Variants in EPHA3 observed in about 807,000 individuals in gnomAD.
The protein encoded by EPHA3 is ephrin type-A receptor 3.
Under a neutral mutation model 107.1 loss-of-function variants are expected in EPHA3, and 42 were observed. The observed-to-expected ratio is 0.39, with a 90% CI of 0.31 to 0.51. The LOEUF is 0.51. Ranked by LOEUF, EPHA3 falls within the 20% of genes least tolerant of loss-of-function variation. The pLI is 0.78. For missense variants in EPHA3, 1,183 were observed against 1,211.2 expected (o/e 0.98, Z 0.35); for synonymous variants, 461 against 424.8 (o/e 1.09, Z -1.05).
chr3:89,242,132 T>G (rs1704910555), intron 3 of EPHA3, among the ~76,000 whole-genome samples: 1 of 152,170 alleles, frequency 6.6e-6, no homozygotes, highest in Non-Finnish European at 1.5e-5. Flanking sequence ...CAACTCAAAA[T>G]CTAAAGAAGA....
chr3:89,478,588 A>G (rs1710564442), intron 16 of EPHA3, among the ~76,000 whole-genome samples: 2 of 152,302 alleles, frequency 1.3e-5, no homozygotes, highest in South Asian at 4.1e-4. Context: ...CCTGTGAAAT[A>G]GTATCAGGTA....
intron 3 of EPHA3, among the ~76,000 whole-genome samples, chr3:89,304,743 A>C (rs1706572013): frequency 6.6e-6 from 1 of 152,060 alleles, no homozygotes; most frequent in South Asian, 2.1e-4. Context: ...TATTATGTTC[A>C]TGATAGTTTG....
chr3:89,401,947 C>T (rs767844675), intron 7 of EPHA3, among the ~76,000 whole-genome samples: 8 of 152,028 alleles, frequency 5.3e-5, no homozygotes, highest in African/African-American at 9.6e-5. Flanking sequence ...AGGAGAGATC[C>T]GAAATCATAG....
At chr3:89,345,391 C>A (rs1413758258) in intron 5 of EPHA3, among the ~76,000 whole-genome samples, 2 of 151,240 alleles carry the variant, frequency 1.3e-5, no homozygotes, top group Non-Finnish European at 3.0e-5. Flanking sequence ...TGTACAATTT[C>A]TATCAAAAAA....
intron 3 of EPHA3, among the ~76,000 whole-genome samples, chr3:89,338,025 T>C (rs1430404567): frequency 6.6e-6 from 1 of 152,236 alleles, no homozygotes; most frequent in African/African-American, 2.4e-5. Flanking sequence ...TGGCTTCAAG[T>C]TGTATTTGTA....
At chr3:89,128,705 ATATAG>A (rs1704141496) in intron 2 of EPHA3, among the ~76,000 whole-genome samples, 1 of 149,810 alleles carries the variant, frequency 6.7e-6, no homozygotes, top group African/African-American at 2.4e-5. Flanking sequence ...ATACTCAATA[ATATAG>A]TATATATATT....
At chr3:89,193,529 G>A (rs1705767075) in intron 2 of EPHA3, among the ~76,000 whole-genome samples, 1 of 151,916 alleles carries the variant, frequency 6.6e-6, no homozygotes, top group Non-Finnish European at 1.5e-5. Context: ...CTGCAGGATA[G>A]CTACCGTTAA....
At chr3:89,205,811 T>C in intron 2 of EPHA3, among the ~76,000 whole-genome samples, 1 of 152,152 alleles carries the variant, frequency 6.6e-6, no homozygotes, top group East Asian at 1.9e-4. Flanking sequence ...CCCTTTTTTT[T>C]TTCATCTCTG....
At position 89,140,232 on chromosome 3, in the gene EPHA3, G is replaced by T. The variant is rs556000238; in HGVS notation, c.153+12959G>T. On this transcript the variant is annotated intron_variant, in intron 2 of 16. Coordinates refer to ENST00000336596, the MANE Select transcript of EPHA3 (RefSeq NM_005233.6). ...CATTGAAAGAGTATTTTCAAATGTT[G>T]CTATGTAACTAAAATAAATATCACA... is the stretch of plus-strand genomic sequence containing the variant. 5.9e-5 allele frequency among the ~76,000 whole-genome samples: 9 copies of T among 151,836 alleles called. No homozygotes were observed. In the South Asian group the frequency reaches 1.2e-3, roughly 21 times the overall value.
At chr3:89,223,019 A>G (rs1250048825) in intron 3 of EPHA3, among the ~76,000 whole-genome samples, 1 of 152,186 alleles carries the variant, frequency 6.6e-6, no homozygotes, top group Non-Finnish European at 1.5e-5. Context: ...CCTTTACAAA[A>G]TCTAAAAGCT....
At chr3:89,452,183 T>A (rs993499912) in intron 15 of EPHA3, among the ~76,000 whole-genome samples, 1 of 152,184 alleles carries the variant, frequency 6.6e-6, no homozygotes, top group African/African-American at 2.4e-5. Flanking sequence ...TATAGATATC[T>A]CTTTGAAATA....
chr3:89,113,410 C>A (rs1287710267), intron 1 of EPHA3, among the ~76,000 whole-genome samples: 2 of 133,176 alleles, frequency 1.5e-5, no homozygotes, highest in African/African-American at 2.8e-5. Flanking sequence ...GTTCTTGGAA[C>A]CTGGCAGGAG....
At chr3:89,404,191 G>A (rs1231369698) in intron 7 of EPHA3, among the ~76,000 whole-genome samples, 2 of 152,034 alleles carry the variant, frequency 1.3e-5, no homozygotes, top group African/African-American at 2.4e-5. Flanking sequence ...AAGGGAGAAT[G>A]GAATCATTAA....
intron 5 of EPHA3, 60 bp downstream of exon 5, chr3:89,342,150 C>A: frequency 6.9e-7 from 1 of 1,446,684 alleles, no homozygotes; most frequent in South Asian, 1.4e-5. Context: ...ATGGTTTTGA[C>A]TCTGGGTGGA....
At chr3:89,216,340 C>T (rs1704222828) in intron 3 of EPHA3, among the ~76,000 whole-genome samples, 1 of 151,950 alleles carries the variant, frequency 6.6e-6, no homozygotes, top group African/African-American at 2.4e-5. Context: ...TTGTAGACAA[C>T]TCACTAAATA....
chr3:89,113,648 T>G (rs1707175197), intron 1 of EPHA3, among the ~76,000 whole-genome samples: 1 of 151,852 alleles, frequency 6.6e-6, no homozygotes, highest in African/African-American at 2.4e-5. Flanking sequence ...ATCATTTGCT[T>G]AAAAGAAAGG....
chr3:89,370,211 T>C (rs541711143), intron 5 of EPHA3, among the ~76,000 whole-genome samples: 26 of 151,114 alleles, frequency 1.7e-4, no homozygotes, highest in African/African-American at 5.6e-4. Context: ...TGCACACCTA[T>C]GTTTATTGCA....
chr3:89,435,990 CAT>C (rs1709662787), intron 13 of EPHA3, among the ~76,000 whole-genome samples: 1 of 150,832 alleles, frequency 6.6e-6, no homozygotes, highest in South Asian at 2.1e-4. Context: ...AAAATAAAAA[CAT>C]ATATTAGGCA....
At chr3:89,431,480 A>G (rs1425196668) in intron 13 of EPHA3, 121 bp downstream of exon 13, 1 of 674,176 alleles carries the variant, frequency 1.5e-6, no homozygotes, top group Non-Finnish European at 2.4e-6. Flanking sequence ...CACAATAGAA[A>G]ACATATCTTA....
Sources: allele counts gnomAD v4.1 joint callset (sites outside exome capture counted in the v4.1 genomes callset), GRCh38; gene constraint gnomAD v4.1.1; transcripts MANE v1.5; gene names NCBI Gene and HGNC (gene_info 2026-07-23, HGNC 2026-07-21).